Variants in PRKN observed in about 807,000 individuals in gnomAD.
PRKN encodes parkin RBR E3 ubiquitin protein ligase, also known as E3 ubiquitin-protein ligase parkin.
In PRKN, 56 loss-of-function variants were observed where a neutral mutation model predicts 59.5. The ratio of observed to expected loss-of-function variants is 0.94; its 90% CI spans 0.76 to 1.18. The LOEUF (loss-of-function observed/expected upper bound fraction) is 1.18. Ranked by LOEUF, PRKN falls within the 50% of genes most tolerant of loss-of-function variation. The probability of loss-of-function intolerance (pLI) is 0.00; values close to 1 mark genes in which losing one functional copy is unlikely to be tolerated. For missense variants in PRKN, 657 were observed against 596.4 expected, an observed-to-expected ratio of 1.10 and a Z score of -1.06; for synonymous variants, 250 against 222.1, an observed-to-expected ratio of 1.13 and a Z score of -1.12.
At chr6:162,301,122 C>T (rs1781929770) in intron 2 of PRKN, among the ~76,000 whole-genome samples, 1 of 151,824 alleles carries the variant, frequency 6.6e-6, no homozygotes, top group Non-Finnish European at 1.5e-5. Context: ...AAAAAAAAGG[C>T]CACAGAAATG....
intron 3 of PRKN, among the ~76,000 whole-genome samples, chr6:162,206,540 A>C (rs1313810413): frequency 6.6e-6 from 1 of 152,060 alleles, no homozygotes; most frequent in Non-Finnish European, 1.5e-5. Context: ...CTTACACATC[A>C]AGAATGCTGC....
chr6:161,431,163 CT>C (rs1788632195), intron 9 of PRKN, among the ~76,000 whole-genome samples: 1 of 150,264 alleles, frequency 6.7e-6, no homozygotes, highest in South Asian at 2.1e-4. Flanking sequence ...GAAATATTGA[CT>C]GCTAAAATCT....
intron 1 of PRKN, among the ~76,000 whole-genome samples, chr6:162,478,536 A>G (rs1290834511): frequency 6.6e-6 from 1 of 152,232 alleles, no homozygotes; most frequent in Non-Finnish European, 1.5e-5. Flanking sequence ...GAGCAAGAGC[A>G]TTCTAATAAG....
At chr6:161,705,645 A>G (rs1362541611) in intron 7 of PRKN, among the ~76,000 whole-genome samples, 2 of 152,206 alleles carry the variant, frequency 1.3e-5, no homozygotes, top group African/African-American at 4.8e-5. Flanking sequence ...AAATGGGAAT[A>G]AAAGTACTAA....
At chr6:161,420,331 C>G (rs1788042439) in intron 9 of PRKN, among the ~76,000 whole-genome samples, 1 of 151,074 alleles carries the variant, frequency 6.6e-6, no homozygotes, top group Admixed American at 6.6e-5. Context: ...GCATTCTTTT[C>G]TGAAATGCGT....
chr6:161,384,232 G>T (rs1350264782), intron 10 of PRKN, among the ~76,000 whole-genome samples: 1 of 152,188 alleles, frequency 6.6e-6, no homozygotes, highest in East Asian at 1.9e-4. Flanking sequence ...CATATTACGG[G>T]TGTTTAATGC....
chr6:162,373,706 G>C (rs1785893677), intron 2 of PRKN, among the ~76,000 whole-genome samples: 1 of 152,042 alleles, frequency 6.6e-6, no homozygotes. Context: ...TGGTGACATA[G>C]AAGAACAAGT....
chr6:161,487,122 CT>C lies in PRKN; in HGVS notation c.1083+61731del, dbSNP rs1483846424. On this transcript the variant is annotated intron_variant, in intron 9 of 11. Transcript: ENST00000366898. The surrounding 1 kb of genome is among the most constrained non-coding windows in gnomAD (Gnocchi z 5.3). ...GGCGATGAGGTAAGAATGACTAATG[CT>C]TATGAACCATTGCCTGATAAACACT... Among the ~76,000 whole-genome samples the C allele has an allele frequency of 5.9e-5, 9 of 152,300 alleles. No homozygotes were observed. Among genetic ancestry groups the C allele is most frequent in the African/African-American group, 1.9e-4 (8 of 41,560 alleles).
chr6:162,034,182 TATATAGAG>T (rs1000161766), intron 5 of PRKN, among the ~76,000 whole-genome samples: 4 of 121,550 alleles, frequency 3.3e-5, no homozygotes, highest in African/African-American at 1.4e-4. Context: ...TATATATATA[TATATAGAG>T]AGAGAGAGAG....
chr6:161,930,472 T>C (rs1464325685), intron 6 of PRKN, among the ~76,000 whole-genome samples: 2 of 152,232 alleles, frequency 1.3e-5, no homozygotes, highest in Non-Finnish European at 2.9e-5. Flanking sequence ...AGTAATCTAC[T>C]TAAATGCAAC....
chr6:161,923,725 C>A (rs1165724850), intron 6 of PRKN, among the ~76,000 whole-genome samples: 1 of 152,136 alleles, frequency 6.6e-6, no homozygotes, highest in Non-Finnish European at 1.5e-5. Flanking sequence ...CGATCCTTTA[C>A]CCCCTAATTG....
intron 1 of PRKN, among the ~76,000 whole-genome samples, chr6:162,630,456 T>C (rs1783064343): frequency 6.6e-6 from 1 of 152,100 alleles, no homozygotes; most frequent in South Asian, 2.1e-4. Context: ...GCCATCGACA[T>C]TAACATCAAT....
At chr6:162,401,290 C>A (rs1787781174) in intron 2 of PRKN, among the ~76,000 whole-genome samples, 1 of 151,228 alleles carries the variant, frequency 6.6e-6, no homozygotes, top group South Asian at 2.1e-4. Context: ...AAAGCTAGTT[C>A]TTCACTGGGA....
Position 161,386,849 on chromosome 6 carries a change from G to A in PRKN, c.1112C>T (p.Ala371Val), listed in dbSNP as rs375036403. 5.9e-5 allele frequency: 95 copies of A among 1,614,020 alleles called. No individual in the cohort carries two copies. Among genetic ancestry groups the A allele is most frequent in the Middle Eastern group, 1.6e-4 (1 of 6,062 alleles). ...GGCACTGCACTCCCCTTCATGGTAC[G>A]CTTCTTTACATTCCCGGCAGAAGGC... ...GFAFCRECKE[A>V]YHEGECSAVF... Residue 371 changes from alanine to valine, a missense_variant, in exon 10 of 12, where the codon GCG (alanine) becomes GTG (valine). Transcript: ENST00000366898. This position sits in a 1 kb window ranked among gnomAD's most constrained non-coding sequence, Gnocchi z 4.3.
intron 6 of PRKN, among the ~76,000 whole-genome samples, chr6:161,868,145 T>C (rs1282056220): frequency 1.3e-5 from 2 of 152,156 alleles, no homozygotes; most frequent in Non-Finnish European, 2.9e-5. Flanking sequence ...ATTTTCACTA[T>C]TGAGATTATT....
chr6:161,748,763 C>T (rs1299760046), intron 7 of PRKN, among the ~76,000 whole-genome samples: 1 of 152,180 alleles, frequency 6.6e-6, no homozygotes, highest in Non-Finnish European at 1.5e-5. Flanking sequence ...CCCACTGCTT[C>T]TTTGGGGTTC....
intron 9 of PRKN, among the ~76,000 whole-genome samples, chr6:161,389,704 T>C (rs764072777): frequency 2.0e-5 from 3 of 152,216 alleles, no homozygotes; most frequent in Non-Finnish European, 4.4e-5. Flanking sequence ...GGCCCAATCA[T>C]GGAGAACTGG....
intron 3 of PRKN, among the ~76,000 whole-genome samples, chr6:162,210,728 G>T (rs928196734): frequency 3.9e-5 from 6 of 152,032 alleles, no homozygotes; most frequent in Admixed American, 2.6e-4. Context: ...TATGAGGTAA[G>T]AGATACAGGG....
In PRKN at chr6:161,405,298, C is replaced by T. The variant is rs1253509006; in HGVS notation, c.1084-18421G>A. Among the ~76,000 whole-genome samples the T allele has an allele frequency of 6.6e-6, 1 of 152,122 alleles. No homozygotes were observed. The highest frequency in any genetic ancestry group is 2.4e-5 in the African/African-American group (1 of 41,410). The stretch of plus-strand genomic sequence containing the variant: ...AATTGCTGTTTAAAAGTGGGTCTGA[C>T]TGGGCATGGTGGCTCATGCCTGTAA... On this transcript the variant is annotated intron_variant, in intron 9 of 11. Coordinates refer to ENST00000366898, the MANE Select transcript of PRKN (RefSeq NM_004562.3). This position sits in a 1 kb window ranked among gnomAD's most constrained non-coding sequence, Gnocchi z 5.1.
Sources: gnomAD v4.1 joint callset for allele counts (sites outside exome capture counted in the v4.1 genomes callset) on GRCh38, gnomAD v4.1.1 for gene constraint, Gnocchi (gnomAD v3.1) non-coding constraint, MANE v1.5 for transcripts, NCBI Gene and HGNC (gene_info 2026-07-23, HGNC 2026-07-21) for gene names.